Variants in TSHR observed in about 807,000 individuals in gnomAD.
TSHR encodes the protein thyroid stimulating hormone receptor.
In TSHR, 51 loss-of-function variants were observed where a neutral mutation model predicts 64.1. That is an observed-to-expected ratio of 0.80 (90% CI 0.64 to 1.01). TSHR has a LOEUF of 1.01. TSHR is among the 50% of genes least tolerant of loss of function. TSHR has a pLI of 0.00. For missense variants in TSHR, 877 were observed against 942.8 expected, an observed-to-expected ratio of 0.93 and a Z score of 0.91; for synonymous variants, 361 against 361.9, an observed-to-expected ratio of 1.00 and a Z score of 0.03.
intron 7 of TSHR, 108 bp downstream of exon 7, chr14:81,096,815 C>T (rs900797233): frequency 8.0e-7 from 1 of 1,252,518 alleles, no homozygotes; most frequent in Non-Finnish European, 1.1e-6. Context: ...TCTTCCACGC[C>T]AGAGTTAGTG....
chr14:81,049,167 A>T (rs963515774), intron 1 of TSHR, among the ~76,000 whole-genome samples: 9 of 151,970 alleles, frequency 5.9e-5, no homozygotes, highest in East Asian at 1.9e-4. Context: ...GTGAGATTTT[A>T]AAAAAAATGT....
chr14:80,996,026 A>G (rs1889001133), intron 1 of TSHR, among the ~76,000 whole-genome samples: 1 of 152,168 alleles, frequency 6.6e-6, no homozygotes, highest in African/African-American at 2.4e-5. Flanking sequence ...TAAGTCTTTT[A>G]TGAAAATATT....
intron 1 of TSHR, chr14:80,983,175 G>A: frequency 9.6e-7 from 1 of 1,044,008 alleles, no homozygotes; most frequent in East Asian, 2.4e-5. Context: ...TCCTCCTTCT[G>A]GGGATGAAAG....
chr14:81,062,370 T>C (rs1886307981), intron 2 of TSHR, 151 bp downstream of exon 2: 1 of 598,884 alleles, frequency 1.7e-6, no homozygotes, highest in Non-Finnish European at 2.9e-6. Context: ...ACATGATTTT[T>C]ATTTCATTTT....
chr14:81,033,162 C>T (rs1010736159), intron 1 of TSHR: 2 of 406,824 alleles, frequency 4.9e-6, no homozygotes, highest in African/African-American at 4.3e-5. Context: ...ACTGGAGCAA[C>T]ATTCATGTGG....
At chr14:81,113,702 C>T (rs1374167098) in intron 8 of TSHR, among the ~76,000 whole-genome samples, 1 of 149,280 alleles carries the variant, frequency 6.7e-6, no homozygotes, top group African/African-American at 2.5e-5. Context: ...TCTTCAAAAA[C>T]CAAGAGAGAG....
At chr14:80,977,315 A>C (rs1204696772) in intron 1 of TSHR, among the ~76,000 whole-genome samples, 1 of 152,250 alleles carries the variant, frequency 6.6e-6, no homozygotes, top group African/African-American at 2.4e-5. Context: ...AATGTGTCAT[A>C]AAGTGGCCAT....
chr14:80,991,740 G>C, intron 1 of TSHR: 1 of 392,774 alleles, frequency 2.5e-6, no homozygotes, highest in Non-Finnish European at 4.5e-6. Context: ...TTCAAACTTG[G>C]AAAGGTGTCC....
chr14:81,046,231 G>T (rs1305241741), intron 1 of TSHR, among the ~76,000 whole-genome samples: 1 of 152,016 alleles, frequency 6.6e-6, no homozygotes, highest in Non-Finnish European at 1.5e-5. Flanking sequence ...AGCAGACACA[G>T]AATGACAGAG....
intron 1 of TSHR, among the ~76,000 whole-genome samples, chr14:81,034,967 C>T (rs11159483): frequency 0.24 from 37,168 of 151,980 alleles, 4,671 homozygotes; most frequent in South Asian, 0.33. Context: ...GTTAAGCAAA[C>T]ATATGTGCTT....
chr14:81,035,202 G>T (rs984140974), intron 1 of TSHR, among the ~76,000 whole-genome samples: 1 of 152,164 alleles, frequency 6.6e-6, no homozygotes, highest in Non-Finnish European at 1.5e-5. Flanking sequence ...GAAGCTATAA[G>T]AATTGAACTT....
In TSHR at chr14:81,096,633, T is replaced by A. The variant is rs770937834; in HGVS notation, c.546-6T>A. ...CACTGATTTCTCTTCTCTCTGTTGGTTGTAGGAAGCTGTACAACAATGGCT... is the reference window on the plus strand; with the variant it reads ...CACTGATTTCTCTTCTCTCTGTTGGATGTAGGAAGCTGTACAACAATGGCT... On this transcript the variant is annotated splice_polypyrimidine_tract_variant and splice_region_variant and intron_variant, in intron 6 of 9. Coordinates refer to ENST00000298171, the MANE Select transcript of TSHR (RefSeq NM_000369.5). 2 of 1,613,362 alleles carry A rather than the reference T, an allele frequency of 1.2e-6. No homozygotes were observed. The highest frequency in any genetic ancestry group is 4.5e-5 in the East Asian group (2 of 44,854).
At position 81,143,044 on chromosome 14, in the gene TSHR, A is replaced by G; in HGVS notation, c.986A>G (p.Asn329Ser). 6.2e-7 allele frequency: 1 copy of G among 1,614,204 alleles called. No individual in the cohort carries two copies. Among genetic ancestry groups the G allele is most frequent in the Non-Finnish European group, 8.5e-7 (1 of 1,180,042 alleles). The change falls in exon 10 of 10, where the codon AAT becomes AGT. Residue 329 changes from asparagine (N) to serine (S), a missense_variant. Asn to Ser is a conservative substitution (Grantham distance 46, BLOSUM62 1). Transcript: ENST00000298171. ...CCCCTCCACCAGGAATATGAAGAGAATCTGGGTGACAGCATTGTTGGGTAC... is the reference window on the plus strand; with the variant it reads ...CCCCTCCACCAGGAATATGAAGAGAGTCTGGGTGACAGCATTGTTGGGTAC... ...NSPLHQEYEE[N>S]LGDSIVGYKE...
intron 9 of TSHR, among the ~76,000 whole-genome samples, chr14:81,141,600 T>A (rs1023849631): frequency 2.0e-5 from 3 of 152,146 alleles, no homozygotes; most frequent in Non-Finnish European, 4.4e-5. Context: ...TACTGTCTAA[T>A]GGAGGAAGTC....
chr14:81,122,730 C>T (rs1219731478), intron 8 of TSHR, among the ~76,000 whole-genome samples: 1 of 152,196 alleles, frequency 6.6e-6, no homozygotes, highest in Non-Finnish European at 1.5e-5. Context: ...AAAGGGGTTA[C>T]TTCTGGGACA....
intron 1 of TSHR, among the ~76,000 whole-genome samples, chr14:80,969,839 A>G (rs1290466667): frequency 6.6e-6 from 1 of 152,196 alleles, no homozygotes; most frequent in East Asian, 1.9e-4. Flanking sequence ...CCATAGATAT[A>G]GCCATATTTG....
intron 8 of TSHR, chr14:81,108,815 G>A: frequency 6.5e-7 from 1 of 1,538,388 alleles, no homozygotes; most frequent in East Asian, 2.4e-5. Context: ...AGAAAAAAAT[G>A]TACCTGAATG....
intron 1 of TSHR, among the ~76,000 whole-genome samples, chr14:81,019,353 T>C (rs1255818562): frequency 6.7e-6 from 1 of 149,408 alleles, no homozygotes; most frequent in African/African-American, 2.5e-5. Context: ...AAAAAATGGT[T>C]GCATGAGCAA....
At chr14:81,123,754 G>A (rs1231558456) in intron 8 of TSHR, among the ~76,000 whole-genome samples, 1 of 152,168 alleles carries the variant, frequency 6.6e-6, no homozygotes, top group Non-Finnish European at 1.5e-5. Context: ...AATATCTAGA[G>A]TCAGAGGATC....
Sources: allele counts gnomAD v4.1 joint callset (sites outside exome capture counted in the v4.1 genomes callset), GRCh38; gene constraint gnomAD v4.1.1; transcripts MANE v1.5; gene names NCBI Gene and HGNC (gene_info 2026-07-23, HGNC 2026-07-21).